KCNA3: variants seen among roughly 807,000 people sequenced by gnomAD.
The protein encoded by KCNA3 is potassium voltage-gated channel subfamily A member 3.
KCNA3 carries 18 observed loss-of-function variants against 34.3 expected under a neutral mutation model. That is an observed-to-expected ratio of 0.52 (90% CI 0.36 to 0.78). The LOEUF (loss-of-function observed/expected upper bound fraction) is 0.78. Among genes scored for constraint, KCNA3 ranks in the 30% least tolerant of loss-of-function variants. The probability of loss-of-function intolerance (pLI) is 0.00; values close to 1 mark genes in which losing one functional copy is unlikely to be tolerated. For synonymous variants in KCNA3, 324 were observed against 351.7 expected (o/e 0.92, Z 0.88); for missense variants, 587 against 802.5 (o/e 0.73, Z 3.24).
chr1:110,655,936 C>A, the KCNA3 span: 2 of 152,104 alleles, frequency 1.3e-5, no homozygotes, highest in African/African-American at 4.8e-5. Context: ...TATTGCCAAA[C>A]AGACATGTTT....
rs1021586713 is a variant in KCNA3, at chr1:110,674,107, C to A, written c.703G>T (p.Gly235Cys). 6.2e-7 allele frequency: 1 copy of A among 1,610,244 alleles called. No homozygotes were observed. Among genetic ancestry groups the A allele is most frequent in the Non-Finnish European group, 8.5e-7 (1 of 1,178,314 alleles). Residue 235 changes from glycine (G) to cysteine (C), a missense_variant, in exon 1 of 1, where the codon GGC becomes TGC. By Grantham distance (159) the Gly-to-Cys change is radical. Coordinates refer to ENST00000369769, the MANE Select transcript of KCNA3 (RefSeq NM_002232.5). This position sits in a 1 kb window ranked among gnomAD's most constrained non-coding sequence, Gnocchi z 6.4. ...EYPESSGPARGIAIVSVLVIL... is the reference protein window; with the variant it reads ...EYPESSGPARCIAIVSVLVIL... Reference sequence around the variant, plus strand: ...ACCAGCACGGACACGATGGCGATGCCCCGGGCCGGCCCGGAGCTCTCGGGG... The same window carrying A: ...ACCAGCACGGACACGATGGCGATGCACCGGGCCGGCCCGGAGCTCTCGGGG...
At chr1:110,667,086 A>T in the KCNA3 span, among the ~76,000 whole-genome samples, 1 of 151,912 alleles carries the variant, frequency 6.6e-6, no homozygotes, top group Non-Finnish European at 1.5e-5. Flanking sequence ...TGTGTGTGTA[A>T]TAAATTGTCC....
the KCNA3 span, among the ~76,000 whole-genome samples, chr1:110,662,018 CAGA>C: frequency 1.3e-4 from 19 of 143,814 alleles, no homozygotes; most frequent in Middle Eastern, 0.02. Flanking sequence ...GAGGCTGAGG[CAGA>C]AGAATTGCGT....
the KCNA3 span, among the ~76,000 whole-genome samples, chr1:110,658,658 T>C: frequency 6.6e-6 from 1 of 152,004 alleles, no homozygotes; most frequent in African/African-American, 2.4e-5. Context: ...AAATAGAAAA[T>C]GAGTTAAGGA....
At position 110,674,108 on chromosome 1, in the gene KCNA3, C is replaced by A; in HGVS notation, c.702G>T (p.Arg234=). Residue 234 remains arginine (R), a synonymous_variant, in exon 1 of 1, where the codon CGG becomes CGT. Transcript: ENST00000369769. The surrounding 1 kb of genome is among the most constrained non-coding windows in gnomAD (Gnocchi z 6.4). ...CCAGCACGGACACGATGGCGATGCC[C>A]CGGGCCGGCCCGGAGCTCTCGGGGT... ...FEYPESSGPA[R]GIAIVSVLVI... is the part of the protein sequence containing the mutation. 1.2e-6 allele frequency: 2 copies of A among 1,610,748 alleles called. No homozygotes were observed. The highest frequency in any genetic ancestry group is 8.5e-7 in the Non-Finnish European group (1 of 1,178,482).
At chr1:110,668,993 T>C (rs1168985029), downstream of KCNA3, among the ~76,000 whole-genome samples, 2 of 152,112 alleles carry the variant, frequency 1.3e-5, no homozygotes, top group Non-Finnish European at 2.9e-5. Context: ...GAGAGAAGGG[T>C]CTGCAGCTAT....
At chr1:110,671,274 G>A (rs1469652021), downstream of KCNA3, among the ~76,000 whole-genome samples, 1 of 151,602 alleles carries the variant, frequency 6.6e-6, no homozygotes, top group Non-Finnish European at 1.5e-5. Context: ...TCATCCTTTT[G>A]TAATAAACAA....
chr1:110,673,296 C>A lies in KCNA3; in HGVS notation c.1514G>T (p.Cys505Phe). The change falls in exon 1 of 1, where the codon TGC (cysteine) becomes TTC (phenylalanine). Residue 505 changes from cysteine to phenylalanine, a missense_variant. By Grantham distance (205) the Cys-to-Phe change is radical. Transcript: ENST00000369769. This position sits in a 1 kb window ranked among gnomAD's most constrained non-coding sequence, Gnocchi z 8.8. ...CTCGGCTGAAGAGGAGAGGTGCTGGCAACTTCCCACGTGCATGTACTGGGA... is the reference window on the plus strand; with the variant it reads ...CTCGGCTGAAGAGGAGAGGTGCTGGAAACTTCCCACGTGCATGTACTGGGA... ...EQSQYMHVGSCQHLSSSAEEL... is the reference protein window; with the variant it reads ...EQSQYMHVGSFQHLSSSAEEL... 1 of 1,613,978 alleles carries A rather than the reference C, an allele frequency of 6.2e-7. No individual in the cohort carries two copies. Among genetic ancestry groups the A allele is most frequent in the Non-Finnish European group, 8.5e-7 (1 of 1,180,010 alleles).
the KCNA3 span, among the ~76,000 whole-genome samples, chr1:110,663,735 C>T: frequency 2.0e-5 from 3 of 152,130 alleles, no homozygotes; most frequent in African/African-American, 7.2e-5. Flanking sequence ...TCTCCCAATA[C>T]TAAGAACCAA....
At chr1:110,670,997 A>C (rs1213145937), downstream of KCNA3, among the ~76,000 whole-genome samples, 1 of 152,250 alleles carries the variant, frequency 6.6e-6, no homozygotes, top group Non-Finnish European at 1.5e-5. Context: ...AATTTATATA[A>C]TGTATATGAA....
chr1:110,665,109 T>C, the KCNA3 span, among the ~76,000 whole-genome samples: 3 of 152,204 alleles, frequency 2.0e-5, no homozygotes, highest in Admixed American at 1.3e-4. Context: ...AAGCCTTTAG[T>C]TAGTACTCTG....
the KCNA3 span, chr1:110,657,038 A>C: frequency 6.9e-6 from 1 of 145,684 alleles, no homozygotes; most frequent in Non-Finnish European, 1.5e-5. Flanking sequence ...CTGGGTACTT[A>C]AGTTTTCTTT....
Position 110,672,638 on chromosome 1 carries a change from C to A in KCNA3, c.*444G>T. On this transcript the variant is annotated 3_prime_UTR_variant, in exon 1 of 1. Transcript: ENST00000369769. ...AGGGTAGGCAACCGAAATACATATT[C>A]AATAAATAACGTTGAAAGGTCCATC... is the stretch of plus-strand genomic sequence containing the variant. 6.3e-6 allele frequency: 1 copy of A among 158,606 alleles called. No homozygotes were observed. Among genetic ancestry groups the A allele is most frequent in the Non-Finnish European group, 1.4e-5 (1 of 72,084 alleles). The allele number at this position is 158,606 out of a possible 1,614,324, so 9.8% of individuals were successfully genotyped here.
At position 110,673,088 on chromosome 1, in the gene KCNA3, A is replaced by T. The variant is rs748646757; in HGVS notation, c.1722T>A (p.Asp574Glu). 2.5e-6 allele frequency: 4 copies of T among 1,608,074 alleles called. No homozygotes were observed. In the South Asian group the frequency reaches 4.5e-5, roughly 18 times the overall value. Residue 574 changes from aspartate to glutamate, a missense_variant, in exon 1 of 1, where the codon GAT (aspartate) becomes GAA (glutamate). By Grantham distance (45) the Asp-to-Glu change is conservative. Transcript: ENST00000369769. The surrounding 1 kb of genome is among the most constrained non-coding windows in gnomAD (Gnocchi z 8.8). ...ATGTCACTTGTATCACATATTAAAC[A>T]TCGGTGAATATCTTTTTGATGTTGA... is the stretch of plus-strand genomic sequence containing the variant. ...SCVNIKKIFT[D>E]V
the KCNA3 span, among the ~76,000 whole-genome samples, chr1:110,666,906 GA>G: frequency 5.9e-5 from 9 of 151,794 alleles, no homozygotes; most frequent in South Asian, 1.7e-3. Flanking sequence ...AGTAAGGCTG[GA>G]AAAAAAGAAA....
chr1:110,674,163 A>T lies in KCNA3; in HGVS notation c.647T>A (p.Phe216Tyr). The change falls in exon 1 of 1, where the codon TTC (phenylalanine) becomes TAC (tyrosine). Residue 216 changes from phenylalanine (F) to tyrosine (Y), a missense_variant. Coordinates refer to ENST00000369769, the MANE Select transcript of KCNA3 (RefSeq NM_002232.5). The surrounding 1 kb of genome is among the most constrained non-coding windows in gnomAD (Gnocchi z 6.4). The part of the protein sequence containing the change: ...EEERPLPRRD[F>Y]QRQVWLLFEY... Reference sequence around the variant, plus strand: ...GAAGAGCAGCCACACCTGGCGCTGGAAGTCGCGGCGGGGCAAGGGCCGCTC... The same window carrying T: ...GAAGAGCAGCCACACCTGGCGCTGGTAGTCGCGGCGGGGCAAGGGCCGCTC... 6.2e-7 allele frequency: 1 copy of T among 1,613,352 alleles called. No individual in the cohort carries two copies. The highest frequency in any genetic ancestry group is 8.5e-7 in the Non-Finnish European group (1 of 1,179,676).
chr1:110,665,251 A>G, the KCNA3 span, among the ~76,000 whole-genome samples: 1 of 152,250 alleles, frequency 6.6e-6, no homozygotes, highest in Admixed American at 6.5e-5. Flanking sequence ...TGGAGGACCA[A>G]TCGGGAGGCT....
the KCNA3 span, among the ~76,000 whole-genome samples, chr1:110,661,829 C>T: frequency 1.3e-5 from 2 of 151,976 alleles, no homozygotes; most frequent in Non-Finnish European, 2.9e-5. Context: ...TAATGTCAGC[C>T]GGGCGCGGTG....
rs1651969228 is a variant in KCNA3, at chr1:110,673,627, T to A, written c.1183A>T (p.Met395Leu). The A allele has an allele frequency of 6.2e-7, 1 of 1,614,188 alleles. No individual in the cohort carries two copies. The highest frequency in any genetic ancestry group is 8.5e-7 in the Non-Finnish European group (1 of 1,180,036). Residue 395 changes from methionine (M) to leucine (L), a missense_variant, in exon 1 of 1, where the codon ATG becomes TTG. This residue lies in a region of KCNA3 where 84 missense variants were observed against 223.1 expected (regional missense o/e 0.38). Transcript: ENST00000369769. The surrounding 1 kb of genome is among the most constrained non-coding windows in gnomAD (Gnocchi z 8.8). ...AAGATGAGCAATCCCAGCTCCCGCA[T>A]GGACGCCTTCAGCGTTTGCCCGAGG... is the stretch of plus-strand genomic sequence containing the variant. The part of the protein sequence containing the change: ...QILGQTLKAS[M>L]RELGLLIFFL...
Sources: allele counts gnomAD v4.1 joint callset (sites outside exome capture counted in the v4.1 genomes callset), GRCh38; gene constraint gnomAD v4.1.1; regional missense constraint gnomAD v4.1.1; non-coding constraint Gnocchi (gnomAD v3.1); transcripts MANE v1.5; gene names NCBI Gene and HGNC (gene_info 2026-07-23, HGNC 2026-07-21).